The following DPP10 variants were observed in gnomAD, a reference collection of about 807,000 sequenced individuals.
DPP10 encodes inactive dipeptidyl peptidase 10.
In DPP10, 33 loss-of-function variants were observed where a neutral mutation model predicts 120.9. The ratio of observed to expected loss-of-function variants is 0.27; its 90% CI spans 0.21 to 0.37. The LOEUF is 0.37. Ranked by LOEUF, DPP10 falls within the 10% of genes least tolerant of loss-of-function variation. DPP10 has a pLI of 1.00. For missense variants in DPP10, 816 were observed against 942.8 expected (o/e 0.87, Z 1.76); for synonymous variants, 337 against 326.1 (o/e 1.03, Z -0.36).
chr2:115,384,197 TGCAAGG>T (rs2066672204), intron 3 of DPP10, among the ~76,000 whole-genome samples: 3 of 152,132 alleles, frequency 2.0e-5, no homozygotes, highest in Admixed American at 2.0e-4. Flanking sequence ...GTTCCTCTTA[TGCAAGG>T]TGAGGCATAA....
intron 1 of DPP10, among the ~76,000 whole-genome samples, chr2:114,470,681 T>C (rs1679832218): frequency 6.6e-6 from 1 of 152,234 alleles, no homozygotes; most frequent in Admixed American, 6.5e-5. Flanking sequence ...AGTGTAGCTA[T>C]ATTCATGTAT....
chr2:114,542,404 G>C (rs1217464074), intron 1 of DPP10, among the ~76,000 whole-genome samples: 1 of 152,138 alleles, frequency 6.6e-6, no homozygotes, highest in Non-Finnish European at 1.5e-5. Context: ...TGGCATACCA[G>C]TTCTCCCCAC....
At chr2:115,382,750 C>T (rs1340923621) in intron 3 of DPP10, among the ~76,000 whole-genome samples, 1 of 152,204 alleles carries the variant, frequency 6.6e-6, no homozygotes. Context: ...CTTATTGCCA[C>T]TTTCCATTTA....
chr2:115,092,438 G>A (rs147293955), intron 1 of DPP10, among the ~76,000 whole-genome samples: 1 of 152,150 alleles, frequency 6.6e-6, no homozygotes, highest in Admixed American at 6.5e-5. Context: ...TTCCCCATAA[G>A]CGTGTCTGTT....
chr2:114,882,689 AT>A (rs777414491), intron 1 of DPP10, among the ~76,000 whole-genome samples: 2 of 152,194 alleles, frequency 1.3e-5, no homozygotes, highest in Non-Finnish European at 2.9e-5. Flanking sequence ...AAATAAAAAA[AT>A]ATGAATGCAG....
At chr2:114,781,219 C>G (rs1453502556) in intron 1 of DPP10, among the ~76,000 whole-genome samples, 1 of 152,098 alleles carries the variant, frequency 6.6e-6, no homozygotes, top group Admixed American at 6.5e-5. Context: ...ACATACAGTT[C>G]AGAGGCAAAA....
intron 3 of DPP10, among the ~76,000 whole-genome samples, chr2:115,481,988 G>A (rs778612581): frequency 6.6e-6 from 1 of 151,938 alleles, no homozygotes; most frequent in East Asian, 1.9e-4. Flanking sequence ...TTCAAAGTTG[G>A]TAAAAAGTTA....
intron 1 of DPP10, among the ~76,000 whole-genome samples, chr2:114,971,833 T>C (rs1392867974): frequency 1.3e-5 from 2 of 152,214 alleles, no homozygotes; most frequent in East Asian, 1.9e-4. Flanking sequence ...ATTATCTTTA[T>C]ATCTGTTTTT....
intron 1 of DPP10, among the ~76,000 whole-genome samples, chr2:114,921,670 C>G (rs1168718166): frequency 2.0e-5 from 3 of 152,148 alleles, no homozygotes; most frequent in South Asian, 2.1e-4. Context: ...TGCTCTATTT[C>G]TTATCACTGT....
intron 1 of DPP10, among the ~76,000 whole-genome samples, chr2:115,146,828 A>G (rs2051249867): frequency 6.6e-6 from 1 of 152,154 alleles, no homozygotes; most frequent in Non-Finnish European, 1.5e-5. Flanking sequence ...TCCTTCCCAC[A>G]TATGAGGACA....
chr2:114,687,168 A>T (rs72955645), intron 1 of DPP10, among the ~76,000 whole-genome samples: 2,337 of 152,056 alleles, frequency 0.015, 71 homozygotes, highest in African/African-American at 0.054. Context: ...AGGAGCAGAC[A>T]TTGGTTGGCT....
intron 1 of DPP10, among the ~76,000 whole-genome samples, chr2:114,565,733 C>T (rs1317113802): frequency 6.6e-6 from 1 of 152,204 alleles, no homozygotes; most frequent in Non-Finnish European, 1.5e-5. Flanking sequence ...AGACCTGCCA[C>T]CTATAAACTA....
chr2:115,490,416 G>A (rs1053531197), intron 3 of DPP10, among the ~76,000 whole-genome samples: 8 of 133,554 alleles, frequency 6.0e-5, no homozygotes, highest in East Asian at 2.5e-4. Context: ...ACCTCCTACC[G>A]GGTCCCCTGA....
intron 1 of DPP10, among the ~76,000 whole-genome samples, chr2:115,167,917 T>A (rs892865474): frequency 1.3e-5 from 2 of 152,188 alleles, no homozygotes; most frequent in African/African-American, 4.8e-5. Flanking sequence ...AGAGTTGAAT[T>A]AGCTGCTGAA....
intron 5 of DPP10, among the ~76,000 whole-genome samples, chr2:115,583,222 G>T (rs960679077): frequency 1.3e-5 from 2 of 152,138 alleles, no homozygotes; most frequent in African/African-American, 4.8e-5. Context: ...AGAATTATTT[G>T]CACTCAGAAT....
At chr2:115,686,727 G>C (rs2091007752) in intron 5 of DPP10, among the ~76,000 whole-genome samples, 1 of 152,006 alleles carries the variant, frequency 6.6e-6, no homozygotes, top group African/African-American at 2.4e-5. Context: ...CCAGCTTCCA[G>C]AAATAAGCTG....
At chr2:115,193,689 C>T (rs1380430994) in intron 1 of DPP10, among the ~76,000 whole-genome samples, 1 of 152,178 alleles carries the variant, frequency 6.6e-6, no homozygotes, top group Non-Finnish European at 1.5e-5. Flanking sequence ...TCCTGGTTCT[C>T]TAAGTACTTT....
At chr2:115,607,568 T>C (rs561040945) in intron 5 of DPP10, among the ~76,000 whole-genome samples, 72 of 152,308 alleles carry the variant, frequency 4.7e-4, no homozygotes, top group African/African-American at 1.7e-3. Context: ...AACAAGAAAA[T>C]TGTTCTATTG....
chr2:114,802,014 A>T (rs1453740233), intron 1 of DPP10, among the ~76,000 whole-genome samples: 3 of 152,196 alleles, frequency 2.0e-5, no homozygotes, highest in Non-Finnish European at 4.4e-5. Flanking sequence ...AGTTTCTCTA[A>T]TTCTAATTAT....
Sources: gnomAD v4.1 joint callset for allele counts (sites outside exome capture counted in the v4.1 genomes callset) on GRCh38, gnomAD v4.1.1 for gene constraint, MANE v1.5 for transcripts, NCBI Gene and HGNC (gene_info 2026-07-23, HGNC 2026-07-21) for gene names.